The following SNTG1 variants were observed in gnomAD, a reference collection of about 807,000 sequenced individuals.
The protein encoded by SNTG1 is gamma-1-syntrophin.
A neutral mutation model predicts 74.7 loss-of-function variants in SNTG1; 39 were observed. The ratio of observed to expected loss-of-function variants is 0.52; its 90% CI spans 0.40 to 0.68. SNTG1 has a LOEUF of 0.68. Ranked by LOEUF, SNTG1 falls within the 30% of genes least tolerant of loss-of-function variation. The pLI is 0.00. For missense variants in SNTG1, 685 were observed against 609.5 expected, an observed-to-expected ratio of 1.12 and a Z score of -1.30; for synonymous variants, 254 against 217.1, an observed-to-expected ratio of 1.17 and a Z score of -1.49.
At chr8:50,518,991 G>T (rs891170497) in intron 9 of SNTG1, among the ~76,000 whole-genome samples, 2 of 152,034 alleles carry the variant, frequency 1.3e-5, no homozygotes, top group African/African-American at 4.8e-5. Flanking sequence ...ACCTGGCAGA[G>T]CCACAACAAA....
At chr8:50,492,139 T>TG (rs935254989) in intron 8 of SNTG1, among the ~76,000 whole-genome samples, 4 of 152,218 alleles carry the variant, frequency 2.6e-5, no homozygotes, top group African/African-American at 7.2e-5. Flanking sequence ...CTATCATTGA[T>TG]GGGCATTTGG....
At chr8:50,262,219 T>C (rs970993320) in intron 2 of SNTG1, among the ~76,000 whole-genome samples, 5 of 152,164 alleles carry the variant, frequency 3.3e-5, no homozygotes, top group Non-Finnish European at 2.9e-5. Flanking sequence ...TAAATGTAAA[T>C]GTATAACATT....
chr8:50,709,087 T>C, intron 17 of SNTG1, 109 bp downstream of exon 17: 1 of 841,276 alleles, frequency 1.2e-6, no homozygotes, highest in South Asian at 1.7e-5. Context: ...TCGTGTCAAA[T>C]TTAAGATCTT....
chr8:50,574,484 A>G (rs1301121796), intron 12 of SNTG1, among the ~76,000 whole-genome samples: 2 of 152,144 alleles, frequency 1.3e-5, no homozygotes, highest in African/African-American at 2.4e-5. Flanking sequence ...TGTAGCAACA[A>G]TAATGGCTCA....
Position 49,911,428 on chromosome 8 carries a change from G to T in SNTG1, c.-906G>T, listed in dbSNP as rs995020528. 1.3e-5 allele frequency: 2 copies of T among 151,890 alleles called. No individual in the cohort carries two copies. Among genetic ancestry groups the T allele is most frequent in the Non-Finnish European group, 2.9e-5 (2 of 68,002 alleles). The allele number at this position is 151,890 out of a possible 1,614,324, so 9.4% of individuals were successfully genotyped here. A position where few individuals can be genotyped will look rare whatever the true frequency, so the allele number is the denominator to read the frequency against. ...TTTCATTTCTGGCATTAGGAAACTC[G>T]TGCAGGGCCACTGAAAAGTCAGGGG... On this transcript the variant is annotated 5_prime_UTR_variant, in exon 1 of 19. Transcript: ENST00000642720.
At chr8:50,242,350 G>A (rs749512403) in intron 2 of SNTG1, among the ~76,000 whole-genome samples, 10 of 151,572 alleles carry the variant, frequency 6.6e-5, no homozygotes, top group Non-Finnish European at 1.3e-4. Flanking sequence ...TCAACATGGC[G>A]AAACCCCATC....
intron 12 of SNTG1, among the ~76,000 whole-genome samples, chr8:50,562,343 A>T (rs1267788132): frequency 1.3e-5 from 2 of 152,202 alleles, no homozygotes; most frequent in Non-Finnish European, 2.9e-5. Context: ...AGTGGGTCTA[A>T]TGTGATTCTC....
chr8:50,071,720 C>T (rs887477132), intron 1 of SNTG1, among the ~76,000 whole-genome samples: 3 of 151,562 alleles, frequency 2.0e-5, no homozygotes, highest in Non-Finnish European at 2.9e-5. Flanking sequence ...TCAGATGATC[C>T]GCCTGCCTCG....
chr8:50,535,381 A>G (rs575283376), intron 10 of SNTG1, among the ~76,000 whole-genome samples: 3 of 152,286 alleles, frequency 2.0e-5, no homozygotes, highest in African/African-American at 7.2e-5. Flanking sequence ...TACAGCTGAC[A>G]TGAAGATCTG....
intron 2 of SNTG1, among the ~76,000 whole-genome samples, chr8:50,270,372 A>G (rs1337308569): frequency 1.3e-5 from 2 of 152,236 alleles, no homozygotes; most frequent in African/African-American, 4.8e-5. Context: ...AACAAGAACT[A>G]TAAAAAGAGA....
intron 18 of SNTG1, among the ~76,000 whole-genome samples, chr8:50,789,784 G>C (rs1311758110): frequency 6.6e-6 from 1 of 151,764 alleles, no homozygotes; most frequent in Non-Finnish European, 1.5e-5. Context: ...TCTGACTTTT[G>C]TCAATGCCTG....
chr8:50,723,778 G>A (rs909713682), intron 17 of SNTG1, among the ~76,000 whole-genome samples: 3 of 148,074 alleles, frequency 2.0e-5, no homozygotes. Context: ...TCATGGCAAT[G>A]AGGCCTATGG....
chr8:50,281,123 T>C lies in SNTG1; in HGVS notation c.-28+108488T>C, dbSNP rs189958805. ...ACTATTTCAAAATATGTCAAAGAAA[T>C]ATGTTTTGGGGTAAAACCTCCTACA... On this transcript the variant is annotated intron_variant, in intron 2 of 18. Coordinates refer to ENST00000642720, the MANE Select transcript of SNTG1 (RefSeq NM_018967.5). 1.1e-3 allele frequency among the ~76,000 whole-genome samples: 165 copies of C among 152,076 alleles called. 2 individuals carry two copies. Among genetic ancestry groups the C allele is most frequent in the Non-Finnish European group, 9.0e-4 (61 of 68,004 alleles).
At chr8:50,145,704 A>G (rs553942747) in intron 1 of SNTG1, among the ~76,000 whole-genome samples, 2 of 152,338 alleles carry the variant, frequency 1.3e-5, no homozygotes, top group East Asian at 3.9e-4. Context: ...TAGGGAAAGC[A>G]GAACTGATTG....
At chr8:50,508,440 A>G (rs1026769403) in intron 9 of SNTG1, among the ~76,000 whole-genome samples, 2 of 152,192 alleles carry the variant, frequency 1.3e-5, no homozygotes, top group Non-Finnish European at 2.9e-5. Context: ...ATACCCAGTA[A>G]TGGGATTGCT....
At chr8:50,137,543 G>A (rs748293082) in intron 1 of SNTG1, among the ~76,000 whole-genome samples, 9 of 152,182 alleles carry the variant, frequency 5.9e-5, no homozygotes, top group Non-Finnish European at 1.0e-4. Flanking sequence ...AAATGCGTAC[G>A]TAGATAGTAT....
chr8:49,980,631 G>A (rs897274905), intron 1 of SNTG1, among the ~76,000 whole-genome samples: 2 of 150,448 alleles, frequency 1.3e-5, no homozygotes, highest in Non-Finnish European at 2.9e-5. Context: ...CAAGAACAGT[G>A]TGTTCCTGAA....
At chr8:50,575,910 C>T (rs562143968) in intron 12 of SNTG1, among the ~76,000 whole-genome samples, 6 of 152,102 alleles carry the variant, frequency 3.9e-5, no homozygotes, top group African/African-American at 1.4e-4. Flanking sequence ...AATAGTTCCT[C>T]TTTCCCTCTG....
At chr8:50,193,488 T>C (rs2083652935) in intron 2 of SNTG1, among the ~76,000 whole-genome samples, 1 of 152,106 alleles carries the variant, frequency 6.6e-6, no homozygotes, top group Non-Finnish European at 1.5e-5. Context: ...TGTTGGTATA[T>C]AGAAGAGCTA....
Sources: gnomAD v4.1 joint callset for allele counts (sites outside exome capture counted in the v4.1 genomes callset) on GRCh38, gnomAD v4.1.1 for gene constraint, MANE v1.5 for transcripts, NCBI Gene and HGNC (gene_info 2026-07-23, HGNC 2026-07-21) for gene names.